SGCG: variants seen among roughly 807,000 people sequenced by gnomAD.
SGCG encodes gamma-sarcoglycan.
Under a neutral mutation model 29.3 loss-of-function variants are expected in SGCG, and 26 were observed. That is an observed-to-expected ratio of 0.89 (90% CI 0.65 to 1.23). The LOEUF (loss-of-function observed/expected upper bound fraction) is 1.23, where lower values mean the gene tolerates loss of function less well. Ranked by LOEUF, SGCG falls within the 50% of genes most tolerant of loss-of-function variation. The probability of loss-of-function intolerance (pLI) is 0.00; values close to 1 mark genes in which losing one functional copy is unlikely to be tolerated. For missense variants in SGCG, 353 were observed against 356.0 expected, an observed-to-expected ratio of 0.99 and a Z score of 0.07; for synonymous variants, 145 against 129.7, an observed-to-expected ratio of 1.12 and a Z score of -0.80.
At chr13:23,203,380 T>C (rs1211057038) in intron 1 of SGCG, among the ~76,000 whole-genome samples, 1 of 152,208 alleles carries the variant, frequency 6.6e-6, no homozygotes, top group Non-Finnish European at 1.5e-5. Flanking sequence ...CCTGAAGAAT[T>C]CTGATAGATA....
At chr13:23,277,147 C>T (rs1373525459) in intron 4 of SGCG, among the ~76,000 whole-genome samples, 1 of 152,158 alleles carries the variant, frequency 6.6e-6, no homozygotes, top group Non-Finnish European at 1.5e-5. Context: ...AAAATTGTCA[C>T]AGTTCAACCC....
At chr13:23,163,843 TA>T in the SGCG span, among the ~76,000 whole-genome samples, 37 of 152,282 alleles carry the variant, frequency 2.4e-4, 1 homozygote, top group East Asian at 7.1e-3. Flanking sequence ...CAACCAGATA[TA>T]AAAAGGCTAA....
At chr13:23,309,991 G>C (rs1447362602) in intron 6 of SGCG, among the ~76,000 whole-genome samples, 3 of 150,852 alleles carry the variant, frequency 2.0e-5, no homozygotes, top group African/African-American at 7.3e-5. Context: ...TTAATGCAAG[G>C]TTTGTATGTA....
In SGCG at chr13:23,292,941, A is replaced by G. The variant is rs542200618; in HGVS notation, c.506-2474A>G. Among the ~76,000 whole-genome samples the G allele has an allele frequency of 3.9e-5, 6 of 152,236 alleles. No homozygotes were observed. The South Asian group carries it at 6.2e-4, about 16-fold the overall frequency. On this transcript the variant is annotated intron_variant, in intron 5 of 7. Transcript: ENST00000218867. ...ATTTTCTATTTTGCAAATCAGAAGA[A>G]GCAAGGAGGAAAGAAAAGGATAAAA...
chr13:23,182,050 A>G (rs1260242092), intron 1 of SGCG, among the ~76,000 whole-genome samples: 1 of 152,204 alleles, frequency 6.6e-6, no homozygotes, highest in African/African-American at 2.4e-5. Context: ...GTAGCATTTC[A>G]ATGTAGTTAG....
chr13:23,221,739 C>G (rs1410519), intron 2 of SGCG, among the ~76,000 whole-genome samples: 2 of 152,046 alleles, frequency 1.3e-5, no homozygotes, highest in African/African-American at 4.8e-5. Context: ...GCACACAGGA[C>G]TTAGATGATT....
At chr13:23,213,163 T>C (rs1878295933) in intron 2 of SGCG, among the ~76,000 whole-genome samples, 1 of 152,116 alleles carries the variant, frequency 6.6e-6, no homozygotes, top group Admixed American at 6.5e-5. Flanking sequence ...GGTTGCAATT[T>C]ATAGGATTAA....
chr13:23,279,928 A>G (rs1881245270), intron 5 of SGCG, among the ~76,000 whole-genome samples: 1 of 151,932 alleles, frequency 6.6e-6, no homozygotes, highest in Non-Finnish European at 1.5e-5. Flanking sequence ...GGGTTTCTCC[A>G]TGTTGGCCAG....
At chr13:23,231,908 C>G (rs1879128744) in intron 2 of SGCG, among the ~76,000 whole-genome samples, 1 of 152,062 alleles carries the variant, frequency 6.6e-6, no homozygotes, top group African/African-American at 2.4e-5. Context: ...CACCTGAGGT[C>G]AGGAGTTCAG....
At chr13:23,308,063 C>T (rs1882423351) in intron 6 of SGCG, among the ~76,000 whole-genome samples, 1 of 152,180 alleles carries the variant, frequency 6.6e-6, no homozygotes, top group Non-Finnish European at 1.5e-5. Flanking sequence ...ATCGTGAATG[C>T]TTCACTGGTT....
intron 2 of SGCG, among the ~76,000 whole-genome samples, chr13:23,226,104 A>C (rs1878885476): frequency 6.6e-6 from 1 of 152,178 alleles, no homozygotes; most frequent in Non-Finnish European, 1.5e-5. Context: ...GGGGGATTTC[A>C]GTGCTGGGCA....
At chr13:23,170,454 G>A in the SGCG span, 1 of 152,230 alleles carries the variant, frequency 6.6e-6, no homozygotes, top group East Asian at 1.9e-4. Flanking sequence ...TGCAAAGAAA[G>A]TTTGAGTAGA....
chr13:23,197,170 C>G (rs1176125400), intron 1 of SGCG, among the ~76,000 whole-genome samples: 1 of 152,142 alleles, frequency 6.6e-6, no homozygotes, highest in Non-Finnish European at 1.5e-5. Flanking sequence ...TCATCACAAC[C>G]TGTAGGGTAA....
chr13:23,274,350 C>T (rs1314831552), intron 4 of SGCG, among the ~76,000 whole-genome samples: 1 of 147,974 alleles, frequency 6.8e-6, no homozygotes, highest in Non-Finnish European at 1.5e-5. Flanking sequence ...ACTCACAGTT[C>T]TGCCTTTAAG....
At chr13:23,303,652 A>G (rs1023365931) in intron 6 of SGCG, among the ~76,000 whole-genome samples, 2 of 152,188 alleles carry the variant, frequency 1.3e-5, no homozygotes, top group Non-Finnish European at 2.9e-5. Context: ...CACGTATCAG[A>G]GGTTTTTCAA....
chr13:23,298,869 A>G (rs961104812), intron 6 of SGCG, among the ~76,000 whole-genome samples: 1 of 152,188 alleles, frequency 6.6e-6, no homozygotes, highest in Non-Finnish European at 1.5e-5. Context: ...TTTGCTTTCT[A>G]AAAGGCGGTA....
intron 3 of SGCG, among the ~76,000 whole-genome samples, chr13:23,248,758 C>T (rs112570506): frequency 0.11 from 15,338 of 144,112 alleles, 986 homozygotes; most frequent in Middle Eastern, 0.17. Flanking sequence ...TTTGGGAGGC[C>T]GAGGAGGGCG....
chr13:23,166,640 G>A, the SGCG span, among the ~76,000 whole-genome samples: 3 of 152,176 alleles, frequency 2.0e-5, no homozygotes, highest in Non-Finnish European at 2.9e-5. Flanking sequence ...TTGTGGTTAG[G>A]ATGGAGTGGC....
chr13:23,202,364 CATTCAGAG>C (rs2137499064), intron 1 of SGCG, among the ~76,000 whole-genome samples: 1 of 152,234 alleles, frequency 6.6e-6, no homozygotes, highest in Admixed American at 6.5e-5. Flanking sequence ...TAGTTACGAG[CATTCAGAG>C]TAACCTAAAC....
Sources: allele counts gnomAD v4.1 joint callset (sites outside exome capture counted in the v4.1 genomes callset), GRCh38; gene constraint gnomAD v4.1.1; transcripts MANE v1.5; gene names NCBI Gene and HGNC (gene_info 2026-07-23, HGNC 2026-07-21).